PIGU: variants seen among roughly 807,000 people sequenced by gnomAD.
The protein encoded by PIGU is GPI-anchor transamidase component PIGU.
A neutral mutation model predicts 49.9 loss-of-function variants in PIGU; 24 were observed. That is an observed-to-expected ratio of 0.48 (90% CI 0.35 to 0.68). The LOEUF is 0.68. Among genes scored for constraint, PIGU ranks in the 30% least tolerant of loss-of-function variants. The probability of loss-of-function intolerance (pLI) is 0.01; values close to 1 mark genes in which losing one functional copy is unlikely to be tolerated. For synonymous variants in PIGU, 220 were observed against 205.7 expected, an observed-to-expected ratio of 1.07 and a Z score of -0.59; for missense variants, 490 against 532.6, an observed-to-expected ratio of 0.92 and a Z score of 0.79.
chr20:34,642,506 A>T (rs1986197004), intron 4 of PIGU, among the ~76,000 whole-genome samples: 1 of 151,960 alleles, frequency 6.6e-6, no homozygotes, highest in African/African-American at 2.4e-5. Flanking sequence ...AAAAAAATAC[A>T]TATGGCATTA....
chr20:34,576,612 CT>C (rs1245316720), intron 10 of PIGU, among the ~76,000 whole-genome samples: 1 of 151,946 alleles, frequency 6.6e-6, no homozygotes, highest in Admixed American at 6.6e-5. Context: ...CCTCTTCCAT[CT>C]TTTTTTTAAA....
intron 7 of PIGU, among the ~76,000 whole-genome samples, chr20:34,602,282 A>AAAATG (rs1326963484): frequency 6.6e-6 from 1 of 151,862 alleles, no homozygotes; most frequent in African/African-American, 2.4e-5. Flanking sequence ...ACTCCATCAT[A>AAAATG]AAATGAAATG....
chr20:34,630,563 T>G (rs999869648), intron 6 of PIGU, among the ~76,000 whole-genome samples: 1 of 152,194 alleles, frequency 6.6e-6, no homozygotes, highest in Admixed American at 6.5e-5. Context: ...ACTGCCTGAT[T>G]CCCTGTACAG....
chr20:34,666,687 CTTTTT>C (rs918644106), intron 1 of PIGU, among the ~76,000 whole-genome samples: 8 of 90,600 alleles, frequency 8.8e-5, no homozygotes, highest in Non-Finnish European at 1.8e-4. Context: ...CTGACTAATT[CTTTTT>C]TTTTTTTTTT....
chr20:34,616,920 G>A (rs921442319), intron 6 of PIGU, among the ~76,000 whole-genome samples: 2 of 152,190 alleles, frequency 1.3e-5, no homozygotes, highest in African/African-American at 2.4e-5. Flanking sequence ...GACCAGCCTA[G>A]CCAACATGGT....
intron 8 of PIGU, 35 bp from the exon 9 acceptor site, chr20:34,585,615 C>A (rs768193876): frequency 5.6e-6 from 9 of 1,604,532 alleles, no homozygotes. Flanking sequence ...AGAAAAAAGA[C>A]AAAAGTTATA....
chr20:34,585,660 C>T (rs912906723), intron 8 of PIGU, 80 bp from the exon 9 acceptor site: 202 of 1,514,884 alleles, frequency 1.3e-4, no homozygotes, highest in East Asian at 3.4e-4. Flanking sequence ...CTCCTGAAGA[C>T]TTTGGTCACT....
At chr20:34,634,928 T>C (rs1219787303) in intron 5 of PIGU, among the ~76,000 whole-genome samples, 1 of 152,094 alleles carries the variant, frequency 6.6e-6, no homozygotes, top group African/African-American at 2.4e-5. Context: ...TTCTATGGAG[T>C]ATATGGAAAA....
intron 6 of PIGU, among the ~76,000 whole-genome samples, chr20:34,621,563 C>T (rs962508463): frequency 1.3e-5 from 2 of 151,810 alleles, no homozygotes; most frequent in African/African-American, 2.4e-5. Flanking sequence ...ACAGGGCGGA[C>T]GCACAGCCGG....
intron 1 of PIGU, among the ~76,000 whole-genome samples, chr20:34,660,999 G>C (rs1251723561): frequency 6.6e-6 from 1 of 152,076 alleles, no homozygotes; most frequent in African/African-American, 2.4e-5. Flanking sequence ...AGGAACTCTT[G>C]TAACTTTTTT....
intron 1 of PIGU, among the ~76,000 whole-genome samples, chr20:34,668,828 T>A (rs1464786442): frequency 7.0e-6 from 1 of 142,842 alleles, no homozygotes; most frequent in Non-Finnish European, 1.5e-5. Context: ...GAATATTAGA[T>A]CATAGAACAG....
intron 6 of PIGU, among the ~76,000 whole-genome samples, chr20:34,622,186 G>A (rs569025775): frequency 6.6e-6 from 1 of 152,242 alleles, no homozygotes; most frequent in East Asian, 1.9e-4. Context: ...ACACTAATGA[G>A]TTATACATTT....
chr20:34,634,592 G>A, intron 6 of PIGU, 23 bp downstream of exon 6: 1 of 1,608,278 alleles, frequency 6.2e-7, no homozygotes, highest in South Asian at 1.1e-5. Context: ...ACTGACCTTT[G>A]TACTCTCCTT....
chr20:34,625,522 A>G (rs1985445849), intron 6 of PIGU, among the ~76,000 whole-genome samples: 1 of 151,220 alleles, frequency 6.6e-6, no homozygotes, highest in Admixed American at 6.6e-5. Flanking sequence ...GATTCATTAA[A>G]ATGCTGGGCA....
chr20:34,676,469 A>C (rs1379492758), intron 1 of PIGU, among the ~76,000 whole-genome samples: 1 of 152,208 alleles, frequency 6.6e-6, no homozygotes, highest in African/African-American at 2.4e-5. Context: ...TGCAAGTCCC[A>C]GACTGAGAAG....
intron 6 of PIGU, among the ~76,000 whole-genome samples, chr20:34,620,824 A>C (rs1985188609): frequency 7.2e-6 from 1 of 139,108 alleles, no homozygotes; most frequent in Non-Finnish European, 1.7e-5. Flanking sequence ...AAAAAACAAA[A>C]AAAAAAAAAC....
intron 7 of PIGU, among the ~76,000 whole-genome samples, chr20:34,598,676 T>C (rs2378199): frequency 0.83 from 126,644 of 152,220 alleles, 52,946 homozygotes; most frequent in Admixed American, 0.91. Context: ...GGTTCACTCA[T>C]AATAGAACTG....
chr20:34,669,091 T>C (rs1459831914), intron 1 of PIGU, among the ~76,000 whole-genome samples: 1 of 151,900 alleles, frequency 6.6e-6, no homozygotes, highest in African/African-American at 2.4e-5. Flanking sequence ...CTCCCTATGT[T>C]GCCCAGACTG....
intron 6 of PIGU, among the ~76,000 whole-genome samples, chr20:34,621,162 GC>G (rs1985207335): frequency 6.6e-6 from 1 of 151,968 alleles, no homozygotes; most frequent in Non-Finnish European, 1.5e-5. Context: ...TGGCTCTCCA[GC>G]ACCTAGTACA....
Sources: gnomAD v4.1 joint callset for allele counts (sites outside exome capture counted in the v4.1 genomes callset) on GRCh38, gnomAD v4.1.1 for gene constraint, MANE v1.5 for transcripts, NCBI Gene and HGNC (gene_info 2026-07-23, HGNC 2026-07-21) for gene names.